Variants in GDF5 observed in about 807,000 individuals in gnomAD.
The protein encoded by GDF5 is growth/differentiation factor 5.
In GDF5, 17 loss-of-function variants were observed where a neutral mutation model predicts 34.6. The observed-to-expected ratio is 0.49, with a 90% CI of 0.34 to 0.74. The LOEUF is 0.74. Among genes scored for constraint, GDF5 ranks in the 30% least tolerant of loss-of-function variants. The probability of loss-of-function intolerance (pLI) is 0.01; values close to 1 mark genes in which losing one functional copy is unlikely to be tolerated. For missense variants in GDF5, 616 were observed against 661.2 expected, an observed-to-expected ratio of 0.93 and a Z score of 0.75; for synonymous variants, 332 against 290.7, an observed-to-expected ratio of 1.14 and a Z score of -1.44.
Position 35,433,792 on chromosome 20 carries a change from C to G in GDF5, c.*117G>C. 1 of 906,008 alleles carries G rather than the reference C, an allele frequency of 1.1e-6. No homozygotes were observed. The highest frequency in any genetic ancestry group is 1.8e-6 in the Non-Finnish European group (1 of 540,880). The allele number at this position is 906,008 out of a possible 1,614,324, so 56.1% of individuals were successfully genotyped here. A position where few individuals can be genotyped will look rare whatever the true frequency, so the allele number is the denominator to read the frequency against. The stretch of plus-strand genomic sequence containing the variant: ...GAGCGAGCAAGCTTATTGGAATCCC[C>G]TTTCACCCAAGCTGTGTAGATGCTC... On this transcript the variant is annotated 3_prime_UTR_variant, in exon 2 of 2. Coordinates refer to ENST00000374369, the MANE Select transcript of GDF5 (RefSeq NM_000557.5).
chr20:35,454,322 C>G (rs1199515002), intron 1 of GDF5, among the ~76,000 whole-genome samples: 1 of 151,952 alleles, frequency 6.6e-6, no homozygotes, highest in Non-Finnish European at 1.5e-5. Context: ...GGCGTGGTGG[C>G]GGGCGCCTGT....
Position 35,438,124 on chromosome 20 carries a change from G to A in GDF5, c.-196C>T. The A allele has an allele frequency of 1.6e-6, 1 of 638,080 alleles. No homozygotes were observed. The highest frequency in any genetic ancestry group is 2.8e-6 in the Non-Finnish European group (1 of 361,300). The allele number at this position is 638,080 out of a possible 1,614,324, so 39.5% of individuals were successfully genotyped here. On this transcript the variant is annotated 5_prime_UTR_variant, in exon 1 of 2. Transcript: ENST00000374369. ...GTGTGTGTTTGTATCCAGTCCCATA[G>A]TGGAAATGCTCTCGTATCCAGACGT...
chr20:35,436,924 G>A (rs1019578595), intron 1 of GDF5, among the ~76,000 whole-genome samples: 6 of 152,164 alleles, frequency 3.9e-5, no homozygotes, highest in Admixed American at 6.5e-5. Flanking sequence ...GTCTGAGACC[G>A]CCTACAAACC....
At chr20:35,449,143 A>AT (rs551659776) in intron 1 of GDF5, among the ~76,000 whole-genome samples, 37 of 150,620 alleles carry the variant, frequency 2.5e-4, no homozygotes, top group African/African-American at 4.4e-4. Flanking sequence ...TTTGCTTAGC[A>AT]TTTTTTTTTG....
At chr20:35,447,380 C>T (rs1266907140) in intron 1 of GDF5, among the ~76,000 whole-genome samples, 2 of 152,156 alleles carry the variant, frequency 1.3e-5, no homozygotes, top group East Asian at 1.9e-4. Context: ...CTCAAGGGCT[C>T]CCCCTGCTGG....
rs74315386 is a variant in GDF5 at position 35,434,514 on chromosome 20, G to A, written c.901C>T (p.Arg301Ter). ...WEVFDIWKLF[R>*]NFKNSAQLCL... ...AGCTGGGCCGAGTTCTTAAAGTTTC[G>A]GAAGAGCTTCCAGATGTCGAACACC... The change falls in exon 2 of 2, where the codon CGA (arginine) becomes TGA (stop). Residue 301 changes from arginine to a stop codon, truncating the protein, a stop_gained. Transcript: ENST00000374369. LOFTEE classifies it high-confidence loss of function. 1.2e-6 allele frequency: 2 copies of A among 1,606,032 alleles called. No homozygotes were observed. The highest frequency in any genetic ancestry group is 1.7e-6 in the Non-Finnish European group (2 of 1,175,484).
chr20:35,452,215 T>C (rs2062536097), intron 1 of GDF5, among the ~76,000 whole-genome samples: 1 of 143,398 alleles, frequency 7.0e-6, no homozygotes, highest in Non-Finnish European at 1.5e-5. Flanking sequence ...GCTCAGATAA[T>C]ATCCAGTTGT....
At chr20:35,451,425 A>C (rs954181174) in intron 1 of GDF5, among the ~76,000 whole-genome samples, 4 of 152,002 alleles carry the variant, frequency 2.6e-5, no homozygotes, top group African/African-American at 9.7e-5. Flanking sequence ...AGTCTGGTTC[A>C]TCAGACAGGT....
rs573474581 is a variant in GDF5 at position 35,438,102 on chromosome 20, T to A, written c.-174A>T. 2.4e-5 allele frequency: 17 copies of A among 713,572 alleles called. 1 individual carries two copies. The South Asian group carries it at 2.6e-4, about 11-fold the overall frequency. The allele number at this position is 713,572 out of a possible 1,614,324, so 44.2% of individuals were successfully genotyped here. ...TGAGACTCTTGAAGTCTGCCGGGTG[T>A]GTGTTTGTATCCAGTCCCATAGTGG... On this transcript the variant is annotated 5_prime_UTR_variant, in exon 1 of 2. Coordinates refer to ENST00000374369, the MANE Select transcript of GDF5 (RefSeq NM_000557.5).
Position 35,434,095 on chromosome 20 carries a change from G to A in GDF5, c.1320C>T (p.His440=). ...EGLCEFPLRS[H]LEPTNHAVIQ... is the part of the protein sequence containing the mutation. ...TGACTGCATGATTCGTGGGCTCCAG[G>A]TGGGAGCGCAATGGGAACTCGCACA... Residue 440 remains histidine, a synonymous_variant, in exon 2 of 2, where the codon CAC becomes CAT. Transcript: ENST00000374369. 1.9e-6 allele frequency: 3 copies of A among 1,614,120 alleles called. No homozygotes were observed. Among genetic ancestry groups the A allele is most frequent in the Middle Eastern group, 1.6e-4 (1 of 6,062 alleles).
chr20:35,450,260 C>A (rs1311295259), intron 1 of GDF5, among the ~76,000 whole-genome samples: 2 of 150,004 alleles, frequency 1.3e-5, no homozygotes, highest in Non-Finnish European at 1.5e-5. Flanking sequence ...GAGCCAAGAT[C>A]GTGCCACTGC....
At position 35,434,249 on chromosome 20, in the gene GDF5, C is replaced by A. The variant is rs373734190; in HGVS notation, c.1166G>T (p.Gly389Val). The A allele has an allele frequency of 6.8e-6, 11 of 1,614,068 alleles. No individual in the cohort carries two copies. Among genetic ancestry groups the A allele is most frequent in the Non-Finnish European group, 9.3e-6 (11 of 1,180,020 alleles). Residue 389 changes from glycine (G) to valine (V), a missense_variant, in exon 2 of 2, where the codon GGC becomes GTC. Gly to Val is a moderately radical substitution (Grantham distance 109). Coordinates refer to ENST00000374369, the MANE Select transcript of GDF5 (RefSeq NM_000557.5). ...KRRAPLATRQ[G>V]KRPSKNLKAR... is the part of the protein sequence containing the mutation. ...CTTAAGGTTCTTGCTGGGTCGCTTG[C>A]CCTGGCGAGTGGCCAGTGGGGCCCG...
Position 35,434,299 on chromosome 20 carries a change from G to A in GDF5, c.1116C>T (p.Tyr372=). 1 of 1,614,126 alleles carries A rather than the reference G, an allele frequency of 6.2e-7. No homozygotes were observed. The highest frequency in any genetic ancestry group is 8.5e-7 in the Non-Finnish European group (1 of 1,180,030). ...SGQDDKTVYE[Y]LFSQRRKRRA... is the part of the protein sequence containing the mutation. ...GCCGTTTTCGCCGCTGGCTGAACAG[G>A]TACTCATACACGGTCTTATCGTCCT... The change falls in exon 2 of 2, where the codon TAC becomes TAT. Residue 372 remains tyrosine (Y), a synonymous_variant. Transcript: ENST00000374369.
chr20:35,454,613 A>C (rs894090620), intron 1 of GDF5: 1 of 152,350 alleles, frequency 6.6e-6, no homozygotes, highest in African/African-American at 2.4e-5. Flanking sequence ...CATGCAGACA[A>C]AACCGAGTGT....
chr20:35,447,516 G>C (rs530272229), intron 1 of GDF5, among the ~76,000 whole-genome samples: 4 of 152,266 alleles, frequency 2.6e-5, no homozygotes, highest in East Asian at 3.9e-4. Context: ...TTGTATGTGA[G>C]TGTTGCGTGT....
upstream of GDF5, among the ~76,000 whole-genome samples, chr20:35,439,402 C>T (rs1810583): frequency 0.017 from 2,548 of 151,982 alleles, 67 homozygotes; most frequent in African/African-American, 0.058. Context: ...TGATTTTTTA[C>T]GTTTGTAGTA....
chr20:35,434,711 A>G lies in GDF5; in HGVS notation c.704T>C (p.Leu235Pro). ...DISALEKDGL[L>P]GAELRILRKK... ...CCGCAAGATCCGCAGCTCGGCCCCC[A>G]GCAGCCCATCCTTCTCCAGGGCACT... The change falls in exon 2 of 2, where the codon CTG becomes CCG. Residue 235 changes from leucine to proline, a missense_variant. Physicochemically the swap from Leu to Pro is moderately conservative, Grantham distance 98 (BLOSUM62 -3). Transcript: ENST00000374369. The G allele has an allele frequency of 6.2e-7, 1 of 1,612,176 alleles. No homozygotes were observed. The highest frequency in any genetic ancestry group is 1.7e-5 in the Admixed American group (1 of 60,020).
chr20:35,453,820 C>G (rs1011045232), intron 1 of GDF5: 4 of 477,152 alleles, frequency 8.4e-6, no homozygotes, highest in African/African-American at 8.0e-5. Flanking sequence ...GAGCTATCCA[C>G]TCATTCACCC....
chr20:35,434,490 G>A lies in GDF5; in HGVS notation c.925C>T (p.Leu309=), dbSNP rs899152903. The A allele has an allele frequency of 6.2e-7, 1 of 1,610,394 alleles. No individual in the cohort carries two copies. Among genetic ancestry groups the A allele is most frequent in the Non-Finnish European group, 8.5e-7 (1 of 1,178,126 alleles). The change falls in exon 2 of 2, where the codon CTG becomes TTG. Residue 309 remains leucine (L), a synonymous_variant. Transcript: ENST00000374369. ...TCCCAGGCCTCCAGCTCCAGGCACAGCTGGGCCGAGTTCTTAAAGTTTCGG... is the reference window on the plus strand; with the variant it reads ...TCCCAGGCCTCCAGCTCCAGGCACAACTGGGCCGAGTTCTTAAAGTTTCGG... The part of the protein sequence containing the change: ...LFRNFKNSAQ[L]CLELEAWERG...
Sources: gnomAD v4.1 joint callset for allele counts (sites outside exome capture counted in the v4.1 genomes callset) on GRCh38, gnomAD v4.1.1 for gene constraint, MANE v1.5 for transcripts, NCBI Gene and HGNC (gene_info 2026-07-23, HGNC 2026-07-21) for gene names.